The following MAML2 variants were observed in gnomAD, a reference collection of about 807,000 sequenced individuals.
The protein encoded by MAML2 is mastermind like transcriptional coactivator 2, also known as mastermind-like protein 2.
MAML2 carries 22 observed loss-of-function variants against 96.1 expected under a neutral mutation model. The observed-to-expected ratio is 0.23, with a 90% confidence interval of 0.16 to 0.33. MAML2 has a LOEUF of 0.33. Among genes scored for constraint, MAML2 ranks in the 10% least tolerant of loss-of-function variants. The pLI, the probability that MAML2 is intolerant of heterozygous loss-of-function variation, is 1.00. For missense variants in MAML2, 1,367 were observed against 1,392.4 expected (o/e 0.98, Z 0.29); for synonymous variants, 561 against 521.3 (o/e 1.08, Z -1.04).
chr11:96,127,929 A>T (rs891000789), intron 1 of MAML2, among the ~76,000 whole-genome samples: 12 of 152,208 alleles, frequency 7.9e-5, no homozygotes, highest in Non-Finnish European at 1.3e-4. Flanking sequence ...AAATCCAGTA[A>T]TGCAAGAAGA....
At chr11:96,315,542 T>G (rs1052604646) in intron 1 of MAML2, among the ~76,000 whole-genome samples, 6 of 152,234 alleles carry the variant, frequency 3.9e-5, no homozygotes, top group African/African-American at 1.2e-4. Flanking sequence ...GTTAACAGTT[T>G]CCAGACTCCT....
Position 96,067,431 on chromosome 11 carries a change from T to A in MAML2, c.2139+24461A>T, listed in dbSNP as rs112584215. Among the ~76,000 whole-genome samples, 844 of 152,342 alleles carry A rather than the reference T, an allele frequency of 5.5e-3. 9 individuals carry two copies. Among genetic ancestry groups the A allele is most frequent in the African/African-American group, 0.019 (789 of 41,580 alleles). On this transcript the variant is annotated intron_variant, in intron 2 of 4. Coordinates refer to ENST00000524717, the MANE Select transcript of MAML2 (RefSeq NM_032427.4). ...AACGTGTTTCTTGCAGCCAACAGCA[T>A]AGCCTTATAACAGTAATGTTTCTAT...
chr11:96,295,627 C>T (rs144486350), intron 1 of MAML2, among the ~76,000 whole-genome samples: 34 of 152,138 alleles, frequency 2.2e-4, no homozygotes, highest in African/African-American at 7.5e-4. Context: ...AAAATCCCAA[C>T]TGAGTATTAA....
Position 95,978,155 on chromosome 11 carries a change from A to T in MAML2, c.*793T>A, listed in dbSNP as rs1857676497. ...TCCACTGGGTTTTTTAAAAAAGTGAAATCTAATGCAGAGAGGTGTGCACCA... is the reference window on the plus strand; with the variant it reads ...TCCACTGGGTTTTTTAAAAAAGTGATATCTAATGCAGAGAGGTGTGCACCA... On this transcript the variant is annotated 3_prime_UTR_variant, in exon 5 of 5. Transcript: ENST00000524717. 4.7e-6 allele frequency: 1 copy of T among 212,344 alleles called. No individual in the cohort carries two copies. The highest frequency in any genetic ancestry group is 5.9e-5 in the Admixed American group (1 of 17,090). 13.2% of individuals were successfully genotyped at this position (212,344 alleles called of 1,614,324 possible).
intron 1 of MAML2, among the ~76,000 whole-genome samples, chr11:96,202,948 A>G (rs1861847157): frequency 1.3e-5 from 2 of 152,162 alleles, no homozygotes; most frequent in Non-Finnish European, 1.5e-5. Context: ...TTTTTTACCT[A>G]TAGAATGTGA....
intron 2 of MAML2, among the ~76,000 whole-genome samples, chr11:96,088,715 G>A (rs1859656921): frequency 1.3e-5 from 2 of 152,170 alleles, no homozygotes; most frequent in African/African-American, 2.4e-5. Flanking sequence ...CAAACATGGA[G>A]CAATAAGGAT....
At chr11:96,266,157 G>A (rs1014254653) in intron 1 of MAML2, among the ~76,000 whole-genome samples, 1 of 152,142 alleles carries the variant, frequency 6.6e-6, no homozygotes, top group African/African-American at 2.4e-5. Context: ...GAGCAGCAGG[G>A]CACTGAAGAA....
chr11:96,301,001 G>A lies in MAML2; in HGVS notation c.513+40382C>T, dbSNP rs866010244. ...CAATTTTGAGGATGAAATGTAAAAT[G>A]CTAAGCTCCACTCTTGGCCCACAAT... On this transcript the variant is annotated intron_variant, in intron 1 of 4. Coordinates refer to ENST00000524717, the MANE Select transcript of MAML2 (RefSeq NM_032427.4). Among the ~76,000 whole-genome samples, 4 of 152,286 alleles carry A rather than the reference G, an allele frequency of 2.6e-5. No homozygotes were observed. In the South Asian group the frequency reaches 8.3e-4, roughly 32 times the overall value.
chr11:96,013,279 A>G (rs961962178), intron 2 of MAML2, among the ~76,000 whole-genome samples: 3 of 152,226 alleles, frequency 2.0e-5, no homozygotes, highest in African/African-American at 7.2e-5. Context: ...CTTTGTATCT[A>G]TTCACTTCTC....
intron 1 of MAML2, among the ~76,000 whole-genome samples, chr11:96,155,163 G>A (rs963949875): frequency 6.6e-6 from 1 of 152,084 alleles, no homozygotes; most frequent in African/African-American, 2.4e-5. Flanking sequence ...TTTTTAAAAT[G>A]AAGAACAGCG....
At chr11:96,086,614 A>C (rs1205589713) in intron 2 of MAML2, among the ~76,000 whole-genome samples, 1 of 152,200 alleles carries the variant, frequency 6.6e-6, no homozygotes, top group African/African-American at 2.4e-5. Flanking sequence ...AAAACTCTGA[A>C]AATTTTACAC....
At chr11:96,313,956 T>C (rs1863589643) in intron 1 of MAML2, among the ~76,000 whole-genome samples, 1 of 152,226 alleles carries the variant, frequency 6.6e-6, no homozygotes, top group South Asian at 2.1e-4. Context: ...TTAAGTACCC[T>C]GATACATCCC....
intron 2 of MAML2, among the ~76,000 whole-genome samples, chr11:96,019,961 T>C (rs1316304656): frequency 1.3e-5 from 2 of 152,216 alleles, no homozygotes; most frequent in Non-Finnish European, 2.9e-5. Flanking sequence ...CTCCTAGCTC[T>C]GGAGTTTACG....
intron 1 of MAML2, among the ~76,000 whole-genome samples, chr11:96,228,004 A>G (rs1862239288): frequency 6.6e-6 from 1 of 152,198 alleles, no homozygotes; most frequent in South Asian, 2.1e-4. Context: ...CGGGGGGCTG[A>G]GGTGGAAGGA....
chr11:96,251,875 G>A (rs1862586791), intron 1 of MAML2, among the ~76,000 whole-genome samples: 2 of 152,122 alleles, frequency 1.3e-5, no homozygotes, highest in East Asian at 1.9e-4. Context: ...GGGACTACAG[G>A]CGCCGGCCAC....
At chr11:96,011,826 C>T (rs1469111871) in intron 2 of MAML2, among the ~76,000 whole-genome samples, 1 of 152,010 alleles carries the variant, frequency 6.6e-6, no homozygotes, top group East Asian at 1.9e-4. Flanking sequence ...AGACATATTC[C>T]CACCTCTCAC....
intron 1 of MAML2, among the ~76,000 whole-genome samples, chr11:96,317,126 G>T (rs1018009356): frequency 6.6e-6 from 1 of 152,114 alleles, no homozygotes; most frequent in Non-Finnish European, 1.5e-5. Flanking sequence ...TCACTGAAAT[G>T]GTGCCTGTGG....
intron 2 of MAML2, among the ~76,000 whole-genome samples, chr11:96,068,337 T>G (rs1398500083): frequency 6.6e-6 from 1 of 151,932 alleles, no homozygotes; most frequent in African/African-American, 2.4e-5. Flanking sequence ...AATACAGAGG[T>G]AAAGTAAGTC....
At chr11:95,986,924 C>A (rs1857837393) in intron 3 of MAML2, among the ~76,000 whole-genome samples, 1 of 152,168 alleles carries the variant, frequency 6.6e-6, no homozygotes, top group African/African-American at 2.4e-5. Context: ...TTTAATATGT[C>A]AATATCCTCA....
Sources: allele counts gnomAD v4.1 joint callset (sites outside exome capture counted in the v4.1 genomes callset), GRCh38; gene constraint gnomAD v4.1.1; transcripts MANE v1.5; gene names NCBI Gene and HGNC (gene_info 2026-07-23, HGNC 2026-07-21).